Variants in ALPK3 observed in about 807,000 individuals in gnomAD.
ALPK3 encodes the protein alpha kinase 3.
ALPK3 carries 102 observed loss-of-function variants against 140.0 expected under a neutral mutation model. That is an observed-to-expected ratio of 0.73 (90% confidence interval 0.62 to 0.86). The LOEUF is 0.86. ALPK3 is among the 40% of genes least tolerant of loss of function. The pLI, the probability that ALPK3 is intolerant of heterozygous loss-of-function variation, is 0.00. For missense variants in ALPK3, 2,254 were observed against 2,208.2 expected (o/e 1.02, Z -0.42); for synonymous variants, 938 against 898.5 (o/e 1.04, Z -0.79).
At chr15:84,821,543 G>T (rs1459252988) in intron 1 of ALPK3, among the ~76,000 whole-genome samples, 2 of 152,158 alleles carry the variant, frequency 1.3e-5, no homozygotes, top group African/African-American at 4.8e-5. Flanking sequence ...TGCCCACGCG[G>T]CCTCCAGAGG....
chr15:84,848,036 T>G (rs1245267046), intron 5 of ALPK3, among the ~76,000 whole-genome samples: 1 of 148,864 alleles, frequency 6.7e-6, no homozygotes. Flanking sequence ...TACTCCAGCC[T>G]GGGTGACAAA....
intron 5 of ALPK3, among the ~76,000 whole-genome samples, chr15:84,854,704 G>C (rs1451632369): frequency 6.6e-6 from 1 of 151,966 alleles, no homozygotes; most frequent in Non-Finnish European, 1.5e-5. Context: ...AATGTCTTTG[G>C]TGCCTGGCTC....
chr15:84,821,958 G>T (rs1474386845), intron 1 of ALPK3, among the ~76,000 whole-genome samples: 1 of 152,162 alleles, frequency 6.6e-6, no homozygotes, highest in Non-Finnish European at 1.5e-5. Context: ...GCCTGGCTGT[G>T]GTGGCGCCGG....
intron 3 of ALPK3, among the ~76,000 whole-genome samples, chr15:84,829,797 C>T (rs973953763): frequency 1.3e-5 from 2 of 152,218 alleles, no homozygotes; most frequent in African/African-American, 4.8e-5. Flanking sequence ...CTCCTGCTCT[C>T]TACATGGGAA....
rs765113565 is a variant in ALPK3 at position 84,862,670 on chromosome 15, G to C, written c.4165G>C (p.Ala1389Pro). The C allele has an allele frequency of 6.2e-7, 1 of 1,614,010 alleles. No individual in the cohort carries two copies. The part of the protein sequence containing the change: ...EEIEMTPMVF[A>P]KGLADSGCWG... ...GATTGAGATGACCCCTATGGTGTTT[G>C]CTAAGGGTCTGGCTGACTCTGGCTG... The change falls in exon 10 of 14, where the codon GCT becomes CCT. Residue 1389 changes from alanine (A) to proline (P), a missense_variant. By Grantham distance (27) the Ala-to-Pro change is conservative (BLOSUM62 -1). Coordinates refer to ENST00000258888, the MANE Select transcript of ALPK3 (RefSeq NM_020778.5).
At position 84,840,029 on chromosome 15, in the gene ALPK3, G is replaced by A. The variant is rs765766340; in HGVS notation, c.750G>A (p.Trp250Ter). The A allele has an allele frequency of 2.5e-6, 4 of 1,613,978 alleles. No individual in the cohort carries two copies. The Admixed American group carries it at 6.7e-5, about 27-fold the overall frequency. The change falls in exon 5 of 14, where the codon TGG (tryptophan) becomes TGA (stop). Residue 250 changes from tryptophan to a stop codon, truncating the protein, a stop_gained. Coordinates refer to ENST00000258888, the MANE Select transcript of ALPK3 (RefSeq NM_020778.5). LOFTEE classifies it high-confidence loss of function. ...CTGAGGGTGGGACCCTGGCGGCTTG[G>A]CAGGAGGGAGAGACTGAGACTGCTC... ...REPEGGTLAA[W>*]QEGETETAQH...
At chr15:84,817,726 G>C in intron 1 of ALPK3, 131 bp downstream of exon 1, 1 of 1,195,108 alleles carries the variant, frequency 8.4e-7, no homozygotes, top group Non-Finnish European at 1.1e-6. Flanking sequence ...CCAAGGCCCA[G>C]GGCCTGGGGA....
chr15:84,858,632 A>G (rs963827685), intron 6 of ALPK3, 77 bp downstream of exon 6: 7 of 1,481,924 alleles, frequency 4.7e-6, no homozygotes, highest in Middle Eastern at 4.1e-4. Context: ...TGCTAACAGC[A>G]CTACCCCATG....
intron 13 of ALPK3, 72 bp downstream of exon 13, chr15:84,867,437 G>A: frequency 5.1e-6 from 8 of 1,570,192 alleles, no homozygotes; most frequent in South Asian, 2.2e-5. Flanking sequence ...AGCCCTTCTG[G>A]TTCTCCATCC....
chr15:84,842,421 T>C (rs984934651), intron 5 of ALPK3, among the ~76,000 whole-genome samples: 2 of 152,176 alleles, frequency 1.3e-5, no homozygotes, highest in Non-Finnish European at 2.9e-5. Flanking sequence ...TTTCTTAGGA[T>C]AGAGGAAGCA....
intron 4 of ALPK3, 143 bp from the exon 5 acceptor site, chr15:84,839,559 C>T (rs771416725): frequency 4.4e-6 from 4 of 911,226 alleles, no homozygotes; most frequent in Non-Finnish European, 6.7e-6. Flanking sequence ...TATGTTGTGA[C>T]GTGTGAGATG....
chr15:84,857,235 G>T lies in ALPK3; in HGVS notation c.2497G>T (p.Asp833Tyr), dbSNP rs2141567926. 2 of 1,614,028 alleles carry T rather than the reference G, an allele frequency of 1.2e-6. No individual in the cohort carries two copies. The highest frequency in any genetic ancestry group is 1.7e-6 in the Non-Finnish European group (2 of 1,179,944). The change falls in exon 6 of 14, where the codon GAC (aspartate) becomes TAC (tyrosine). Residue 833 changes from aspartate to tyrosine, a missense_variant. Transcript: ENST00000258888. ...SSGPVEAKQEDSPFQCPKEER... is the reference protein window; with the variant it reads ...SSGPVEAKQEYSPFQCPKEER... ...AGGCCCAGTCGAGGCCAAGCAGGAG[G>T]ACAGCCCGTTCCAGTGCCCCAAGGA...
At chr15:84,863,373 A>G (rs1401037358) in intron 10 of ALPK3, among the ~76,000 whole-genome samples, 179 bp from the exon 11 acceptor site, 1 of 152,190 alleles carries the variant, frequency 6.6e-6, no homozygotes, top group African/African-American at 2.4e-5. Context: ...CGCTTGTTAT[A>G]CAAAAGAGGA....
chr15:84,836,229 G>A (rs2141553993), intron 3 of ALPK3, among the ~76,000 whole-genome samples: 1 of 152,288 alleles, frequency 6.6e-6, no homozygotes, highest in South Asian at 2.1e-4. Flanking sequence ...GAGAGTGGAG[G>A]GAGGTGGGGC....
chr15:84,859,412 C>T (rs764485254), intron 7 of ALPK3, 22 bp downstream of exon 7: 8 of 1,613,102 alleles, frequency 5.0e-6, no homozygotes, highest in South Asian at 1.1e-5. Context: ...ACACCACTGC[C>T]ACCTGACCTG....
rs767720144 is a variant in ALPK3, at chr15:84,870,436, G to T, written c.*1980G>T. On this transcript the variant is annotated 3_prime_UTR_variant, in exon 14 of 14. Coordinates refer to ENST00000258888, the MANE Select transcript of ALPK3 (RefSeq NM_020778.5). ...ACCCTGGGCTGGCAGCTGTTTGGAG[G>T]CAAAGATGTATGAGGCCATCTCAGG... is the stretch of plus-strand genomic sequence containing the variant. The T allele has an allele frequency of 1.3e-5, 2 of 152,250 alleles. No homozygotes were observed. The highest frequency in any genetic ancestry group is 2.9e-5 in the Non-Finnish European group (2 of 68,060). The allele number at this position is 152,250 out of a possible 1,614,324, so 9.4% of individuals were successfully genotyped here. A position where few individuals can be genotyped will look rare whatever the true frequency, so the allele number is the denominator to read the frequency against.
chr15:84,856,429 C>T lies in ALPK3; in HGVS notation c.1691C>T (p.Ser564Leu), dbSNP rs200540710. Residue 564 changes from serine to leucine, a missense_variant, in exon 6 of 14, where the codon TCG (serine) becomes TTG (leucine). This residue lies in a region of ALPK3 where 2,088 missense variants were observed against 2,022.9 expected (regional missense o/e 1.03). Coordinates refer to ENST00000258888, the MANE Select transcript of ALPK3 (RefSeq NM_020778.5). ...CAGACAACCACGGCTCCTACCATGT[C>T]GGCCAGCAGCAGCTCTGATGTAGCC... ...ECQTTTAPTM[S>L]ASSSSDVASI... 3.5e-5 allele frequency: 56 copies of T among 1,609,544 alleles called. No individual in the cohort carries two copies. The Admixed American group carries it at 4.2e-4, about 12-fold the overall frequency.
intron 3 of ALPK3, among the ~76,000 whole-genome samples, chr15:84,828,295 C>T (rs940690449): frequency 6.6e-6 from 1 of 152,074 alleles, no homozygotes; most frequent in Non-Finnish European, 1.5e-5. Flanking sequence ...TTGAAGCAAC[C>T]GTTTGGCAGA....
In ALPK3 at chr15:84,871,249, T is replaced by A. The variant is rs1964067985; in HGVS notation, c.*2793T>A. On this transcript the variant is annotated 3_prime_UTR_variant, in exon 14 of 14. Transcript: ENST00000258888. ...CCCAAACCTTCAGTTCTGAAGCTCA[T>A]TAGTGGTCCTACCTGTGTGACAGGC... The A allele has an allele frequency of 6.6e-6, 1 of 152,374 alleles. No homozygotes were observed. The highest frequency in any genetic ancestry group is 2.4e-5 in the African/African-American group (1 of 41,458). 9.4% of individuals were successfully genotyped at this position (152,374 alleles called of 1,614,324 possible). A position where few individuals can be genotyped will look rare whatever the true frequency, so the allele number is the denominator to read the frequency against.
Sources: allele counts gnomAD v4.1 joint callset (sites outside exome capture counted in the v4.1 genomes callset), GRCh38; gene constraint gnomAD v4.1.1; regional missense constraint gnomAD v4.1.1; transcripts MANE v1.5; gene names NCBI Gene and HGNC (gene_info 2026-07-23, HGNC 2026-07-21).